Variants in C22orf39 observed in about 807,000 individuals in gnomAD.
The protein encoded by C22orf39 is synaptic plasticity regulator PANTS.
C22orf39 carries 20 observed loss-of-function variants against 18.3 expected under a neutral mutation model. That is an observed-to-expected ratio of 1.09 (90% CI 0.77 to 1.59). The LOEUF (loss-of-function observed/expected upper bound fraction) is 1.59. Among genes scored for constraint, C22orf39 ranks in the 40% most tolerant of loss-of-function variants. The pLI, the probability that C22orf39 is intolerant of heterozygous loss-of-function variation, is 0.00. For synonymous variants in C22orf39, 63 were observed against 59.6 expected (o/e 1.06, Z -0.26); for missense variants, 195 against 156.1 (o/e 1.25, Z -1.33).
Position 19,444,309 on chromosome 22 carries a change from G to T in C22orf39, c.274C>A (p.Pro92Thr). 6.2e-7 allele frequency: 1 copy of T among 1,601,308 alleles called. No homozygotes were observed. Among genetic ancestry groups the T allele is most frequent in the African/African-American group, 1.4e-5 (1 of 73,790 alleles). The change falls in exon 3 of 3, where the codon CCT becomes ACT. Residue 92 changes from proline (P) to threonine (T), a missense_variant. Transcript: ENST00000399562. ...ILVWAPRQSPPPDWHLPLPQE... is the reference protein window; with the variant it reads ...ILVWAPRQSPTPDWHLPLPQE... The stretch of plus-strand genomic sequence containing the variant: ...GGCAGAGGGAGATGCCAGTCTGGAG[G>T]GGGGCTCTGCCTCGGGGCCCACACC...
chr22:19,447,655 GCACA>G lies in C22orf39; in HGVS notation c.24+6_24+9del. The G allele has an allele frequency of 6.2e-7, 1 of 1,610,282 alleles. No individual in the cohort carries two copies. The highest frequency in any genetic ancestry group is 2.2e-5 in the East Asian group (1 of 44,724). ...CCCGGTGGTTCCCGGCTCCGACCCAGCACACTCACCTGCCAGCCGCTGCCGTCCG... is the reference window on the plus strand; with the variant it reads ...CCCGGTGGTTCCCGGCTCCGACCCAGCTCACCTGCCAGCCGCTGCCGTCCG... On this transcript the variant is annotated splice_donor_region_variant and intron_variant, in intron 1 of 2. Coordinates refer to ENST00000399562, the MANE Select transcript of C22orf39 (RefSeq NM_173793.5).
chr22:19,444,467 C>T, intron 2 of C22orf39, 77 bp from the exon 3 acceptor site: 1 of 1,484,768 alleles, frequency 6.7e-7, no homozygotes, highest in East Asian at 2.5e-5. Context: ...CTCTCATCAC[C>T]CTCTGAAACA....
In C22orf39 at chr22:19,441,080, T is replaced by G. The variant is rs2089609902; in HGVS notation, c.*3185A>C. On this transcript the variant is annotated 3_prime_UTR_variant, in exon 3 of 3. Coordinates refer to ENST00000399562, the MANE Select transcript of C22orf39 (RefSeq NM_173793.5). ...AACATACTCAGTTTCCCCAGTTACA[T>G]CTGTACTCCTTTGTGTACCTAACTC... The G allele has an allele frequency of 1.3e-5, 2 of 153,232 alleles. No homozygotes were observed. The highest frequency in any genetic ancestry group is 1.5e-5 in the Non-Finnish European group (1 of 68,788). 9.5% of individuals were successfully genotyped at this position (153,232 alleles called of 1,614,324 possible). A position where few individuals can be genotyped will look rare whatever the true frequency, so the allele number is the denominator to read the frequency against.
chr22:19,443,351 G>C lies in C22orf39; in HGVS notation c.*914C>G, dbSNP rs2089623707. On this transcript the variant is annotated 3_prime_UTR_variant, in exon 3 of 3. Transcript: ENST00000399562. ...GAAACCATTCTATTAGTAATAAACAGACCTCTTCAAGAAATAGTGTTTTTG... is the reference window on the plus strand; with the variant it reads ...GAAACCATTCTATTAGTAATAAACACACCTCTTCAAGAAATAGTGTTTTTG... 3 of 985,400 alleles carry C rather than the reference G, an allele frequency of 3.0e-6. No homozygotes were observed. Among genetic ancestry groups the C allele is most frequent in the African/African-American group, 3.5e-5 (2 of 57,228 alleles). The allele number at this position is 985,400 out of a possible 1,614,324, so 61.0% of individuals were successfully genotyped here.
At position 19,442,264 on chromosome 22, in the gene C22orf39, AG is replaced by A. The variant is rs372055011; in HGVS notation, c.*2000del. On this transcript the variant is annotated 3_prime_UTR_variant, in exon 3 of 3. Transcript: ENST00000399562. Reference sequence around the variant, plus strand: ...AAGCAATTGACATAGAAACAAATGCAGGAACATCCTGTCCAGAGAGATTATC... The same window carrying A: ...AAGCAATTGACATAGAAACAAATGCAGAACATCCTGTCCAGAGAGATTATC... 2,209 of 153,086 alleles carry A rather than the reference AG, an allele frequency of 0.014. 45 individuals are homozygous for A. Among genetic ancestry groups the A allele is most frequent in the South Asian group, 0.06 (295 of 4,888 alleles). 9.5% of individuals were successfully genotyped at this position (153,086 alleles called of 1,614,324 possible). A position where few individuals can be genotyped will look rare whatever the true frequency, so the allele number is the denominator to read the frequency against.
Position 19,441,387 on chromosome 22 carries a change from A to G in C22orf39, c.*2878T>C, listed in dbSNP as rs540023815. On this transcript the variant is annotated 3_prime_UTR_variant, in exon 3 of 3. Coordinates refer to ENST00000399562, the MANE Select transcript of C22orf39 (RefSeq NM_173793.5). Reference sequence around the variant, plus strand: ...TGCTGTGTGTACAGCAGTTACTGAAAATGGCACTATATCACATACAGTACG... The same window carrying G: ...TGCTGTGTGTACAGCAGTTACTGAAGATGGCACTATATCACATACAGTACG... The G allele has an allele frequency of 1.2e-4, 49 of 394,274 alleles. 1 individual carries two copies. Among genetic ancestry groups the G allele is most frequent in the African/African-American group, 7.5e-4 (36 of 48,288 alleles). 24.4% of individuals were successfully genotyped at this position (394,274 alleles called of 1,614,324 possible). A position where few individuals can be genotyped will look rare whatever the true frequency, so the allele number is the denominator to read the frequency against.
chr22:19,446,748 G>A (rs956051891), intron 2 of C22orf39, among the ~76,000 whole-genome samples: 1 of 151,824 alleles, frequency 6.6e-6, no homozygotes, highest in Admixed American at 6.6e-5. Flanking sequence ...TGTTATCCAG[G>A]CTGGTGTGCA....
intron 2 of C22orf39, among the ~76,000 whole-genome samples, chr22:19,444,922 A>G (rs9606022): frequency 0.03 from 4,503 of 152,274 alleles, 146 homozygotes; most frequent in South Asian, 0.13. Context: ...TTAACCCATC[A>G]GCTTCTCTTG....
chr22:19,447,654 A>G lies in C22orf39; in HGVS notation c.24+11T>C. The stretch of plus-strand genomic sequence containing the variant: ...CCCCGGTGGTTCCCGGCTCCGACCC[A>G]GCACACTCACCTGCCAGCCGCTGCC... On this transcript the variant is annotated intron_variant, in intron 1 of 2. Coordinates refer to ENST00000399562, the MANE Select transcript of C22orf39 (RefSeq NM_173793.5). 1.9e-6 allele frequency: 3 copies of G among 1,610,356 alleles called. No homozygotes were observed. The highest frequency in any genetic ancestry group is 1.7e-5 in the Admixed American group (1 of 59,882).
At position 19,441,063 on chromosome 22, in the gene C22orf39, C is replaced by CA. The variant is rs1257969868; in HGVS notation, c.*3201dup. The CA allele has an allele frequency of 6.5e-6, 1 of 152,944 alleles. No homozygotes were observed. Among genetic ancestry groups the CA allele is most frequent in the Non-Finnish European group, 1.5e-5 (1 of 68,608 alleles). 9.5% of individuals were successfully genotyped at this position (152,944 alleles called of 1,614,324 possible). On this transcript the variant is annotated 3_prime_UTR_variant, in exon 3 of 3. Coordinates refer to ENST00000399562, the MANE Select transcript of C22orf39 (RefSeq NM_173793.5). ...ATTGGTACAGTCTACAGAACATACT[C>CA]AGTTTCCCCAGTTACATCTGTACTC...
In C22orf39 at chr22:19,441,405, A is replaced by G; in HGVS notation, c.*2860T>C. 2.2e-6 allele frequency: 1 copy of G among 456,444 alleles called. No individual in the cohort carries two copies. Among genetic ancestry groups the G allele is most frequent in the Admixed American group, 4.0e-5 (1 of 25,110 alleles). 28.3% of individuals were successfully genotyped at this position (456,444 alleles called of 1,614,324 possible). On this transcript the variant is annotated 3_prime_UTR_variant, in exon 3 of 3. Transcript: ENST00000399562. ...TACTGAAAATGGCACTATATCACAT[A>G]CAGTACGGATACATATTGTTTTGTA...
intron 2 of C22orf39, among the ~76,000 whole-genome samples, chr22:19,444,683 C>G (rs1373076410): frequency 6.6e-6 from 1 of 152,150 alleles, no homozygotes; most frequent in Non-Finnish European, 1.5e-5. Flanking sequence ...CTCAATGGCT[C>G]TGGTTGACCT....
Position 19,447,552 on chromosome 22 carries a change from C to T in C22orf39, c.25-7G>A, listed in dbSNP as rs575187103. 263 of 1,418,236 alleles carry T rather than the reference C, an allele frequency of 1.9e-4. 2 individuals carry two copies. The African/African-American group carries it at 3.5e-3, about 19-fold the overall frequency. The allele number at this position is 1,418,236 out of a possible 1,614,324, so 87.9% of individuals were successfully genotyped here. On this transcript the variant is annotated splice_polypyrimidine_tract_variant and splice_region_variant and intron_variant, in intron 1 of 2. Transcript: ENST00000399562. Reference sequence around the variant, plus strand: ...CCTCGCAGGGGCGCGGCGGCTGCGGCGAGAGGCGGCGCCTGAGCGGGGCCC... The same window carrying T: ...CCTCGCAGGGGCGCGGCGGCTGCGGTGAGAGGCGGCGCCTGAGCGGGGCCC...
Position 19,443,841 on chromosome 22 carries a change from A to T in C22orf39, c.*424T>A. On this transcript the variant is annotated 3_prime_UTR_variant, in exon 3 of 3. Coordinates refer to ENST00000399562, the MANE Select transcript of C22orf39 (RefSeq NM_173793.5). The stretch of plus-strand genomic sequence containing the variant: ...CTGGGACGTGGCAGGCAGTTTCCCA[A>T]GGACTAGGAAAGACATTCACAGTGG... 4 of 986,802 alleles carry T rather than the reference A, an allele frequency of 4.1e-6. No homozygotes were observed. The highest frequency in any genetic ancestry group is 4.8e-6 in the Non-Finnish European group (4 of 831,328). The allele number at this position is 986,802 out of a possible 1,614,324, so 61.1% of individuals were successfully genotyped here. A position where few individuals can be genotyped will look rare whatever the true frequency, so the allele number is the denominator to read the frequency against.
intron 2 of C22orf39, among the ~76,000 whole-genome samples, chr22:19,446,207 A>G (rs1466432445): frequency 6.6e-6 from 1 of 152,156 alleles, no homozygotes; most frequent in African/African-American, 2.4e-5. Flanking sequence ...ATATATATAT[A>G]ACAGCTCTTT....
At position 19,444,089 on chromosome 22, in the gene C22orf39, T is replaced by C; in HGVS notation, c.*176A>G. 1.5e-6 allele frequency: 2 copies of C among 1,341,536 alleles called. No homozygotes were observed. Among genetic ancestry groups the C allele is most frequent in the Non-Finnish European group, 9.5e-7 (1 of 1,053,982 alleles). The allele number at this position is 1,341,536 out of a possible 1,614,324, so 83.1% of individuals were successfully genotyped here. ...AGAACATCGCAGTGTCAGGGTATCC[T>C]GCATGCAGGTGAGGGGTGGGCAAGT... On this transcript the variant is annotated 3_prime_UTR_variant, in exon 3 of 3. Transcript: ENST00000399562.
At position 19,444,274 on chromosome 22, in the gene C22orf39, C is replaced by T. The variant is rs777588773; in HGVS notation, c.309G>A (p.Lys103=). The T allele has an allele frequency of 1.9e-6, 3 of 1,584,966 alleles. No homozygotes were observed. The highest frequency in any genetic ancestry group is 1.1e-5 in the South Asian group (1 of 87,732). The change falls in exon 3 of 3, where the codon AAG becomes AAA. Residue 103 remains lysine (K), a synonymous_variant. Coordinates refer to ENST00000399562, the MANE Select transcript of C22orf39 (RefSeq NM_173793.5). ...PDWHLPLPQE[K]DE is the part of the protein sequence containing the mutation. ...ATGGCAGGGATGCTTGTCACTCGTCCTTCTCCTGTGGCAGAGGGAGATGCC... is the reference window on the plus strand; with the variant it reads ...ATGGCAGGGATGCTTGTCACTCGTCTTTCTCCTGTGGCAGAGGGAGATGCC...
intron 2 of C22orf39, among the ~76,000 whole-genome samples, chr22:19,445,834 G>A (rs1233643516): frequency 6.6e-6 from 1 of 151,966 alleles, no homozygotes; most frequent in African/African-American, 2.4e-5. Flanking sequence ...GCCACCATGC[G>A]TGGCTAATTT....
Position 19,441,570 on chromosome 22 carries a change from C to T in C22orf39, c.*2695G>A. ...TAGAGATGGGGTCTTGCTCTGTTGC[C>T]CAGGCTGGAGTGCAGTGGCACGATC... On this transcript the variant is annotated 3_prime_UTR_variant, in exon 3 of 3. Coordinates refer to ENST00000399562, the MANE Select transcript of C22orf39 (RefSeq NM_173793.5). The T allele has an allele frequency of 1.4e-6, 1 of 706,386 alleles. No homozygotes were observed. The allele number at this position is 706,386 out of a possible 1,614,324, so 43.8% of individuals were successfully genotyped here. A position where few individuals can be genotyped will look rare whatever the true frequency, so the allele number is the denominator to read the frequency against.
Sources: gnomAD v4.1 joint callset for allele counts (sites outside exome capture counted in the v4.1 genomes callset) on GRCh38, gnomAD v4.1.1 for gene constraint, MANE v1.5 for transcripts, NCBI Gene and HGNC (gene_info 2026-07-23, HGNC 2026-07-21) for gene names.